Variants in NEB observed in about 807,000 individuals in gnomAD.
The protein encoded by NEB is nemaline myopathy type 2.
In NEB, 512 loss-of-function variants were observed where a neutral mutation model predicts 952.2. That is an observed-to-expected ratio of 0.54 (90% CI 0.50 to 0.58). The LOEUF (loss-of-function observed/expected upper bound fraction) is 0.58, where lower values mean the gene tolerates loss of function less well. Ranked by LOEUF, NEB falls within the 20% of genes least tolerant of loss-of-function variation. The probability of loss-of-function intolerance (pLI) is 0.00; values close to 1 mark genes in which losing one functional copy is unlikely to be tolerated. For missense variants in NEB, 8,428 were observed against 9,231.1 expected, an observed-to-expected ratio of 0.91 and a Z score of 3.56; for synonymous variants, 2,900 against 3,149.8, an observed-to-expected ratio of 0.92 and a Z score of 2.66.
rs1050901614 is a variant in NEB at position 151,581,675 on chromosome 2, T to G, written c.16180-88A>C. ...AAATTATAAAGTCATAAAACATACT[T>G]GAATAAATGGATGATGAAAAAAATT... On this transcript the variant is annotated intron_variant, in intron 102 of 181. Transcript: ENST00000397345. 4.5e-5 allele frequency: 65 copies of G among 1,445,260 alleles called. No homozygotes were observed. In the Middle Eastern group the frequency reaches 7.4e-4, roughly 16 times the overall value. 89.5% of individuals were successfully genotyped at this position (1,445,260 alleles called of 1,614,324 possible).
intron 124 of NEB, among the ~76,000 whole-genome samples, chr2:151,555,706 A>G (rs1174694240): frequency 1.3e-5 from 2 of 152,196 alleles, no homozygotes; most frequent in Non-Finnish European, 2.9e-5. Context: ...CACCTCTGTA[A>G]CAAAAGAGAG....
intron 12 of NEB, among the ~76,000 whole-genome samples, chr2:151,709,099 AC>A (rs2099736049): frequency 6.6e-6 from 1 of 152,208 alleles, no homozygotes; most frequent in Non-Finnish European, 1.5e-5. Flanking sequence ...CAGGCCATTC[AC>A]CAAAGTCACT....
rs1168929193 is a variant in NEB at position 151,671,841 on chromosome 2, G to A, written c.4299+528C>T. 2.0e-5 allele frequency among the ~76,000 whole-genome samples: 3 copies of A among 152,156 alleles called. No individual in the cohort carries two copies. In the East Asian group the frequency reaches 5.8e-4, roughly 29 times the overall value. On this transcript the variant is annotated intron_variant, in intron 37 of 181. Coordinates refer to ENST00000397345, the MANE Select transcript of NEB (RefSeq NM_001164508.2). ...CAATTCTAACAGAAATCTGGCTCCT[G>A]CAGCAGGAGAGGCTCTGAATGTTAA...
At chr2:151,666,007 C>T (rs1185490799) in intron 41 of NEB, 83 bp downstream of exon 41, 5 of 1,363,352 alleles carry the variant, frequency 3.7e-6, no homozygotes, top group Middle Eastern at 2.6e-4. Flanking sequence ...GTGAGTGCAG[C>T]CAGGTGTGGG....
At chr2:151,536,010 G>A (rs1275707623) in intron 141 of NEB, among the ~76,000 whole-genome samples, 14 of 152,104 alleles carry the variant, frequency 9.2e-5, no homozygotes, top group Admixed American at 3.3e-4. Context: ...AGGCTCCATC[G>A]ATCTTCCCAC....
At chr2:151,575,912 G>A (rs2096811765) in intron 106 of NEB, 113 bp from the exon 107 acceptor site, 2 of 833,676 alleles carry the variant, frequency 2.4e-6, no homozygotes, top group Admixed American at 4.3e-5. Flanking sequence ...TTCATGTTAG[G>A]GCAAAGATTT....
chr2:151,503,061 T>A (rs545974205), intron 166 of NEB, 176 bp from the exon 167 acceptor site: 38 of 585,976 alleles, frequency 6.5e-5, no homozygotes, highest in African/African-American at 6.4e-4. Context: ...ACAATGCTAA[T>A]TCTGGAAATG....
chr2:151,724,492 T>A, intron 7 of NEB, 128 bp from the exon 8 acceptor site: 1 of 702,452 alleles, frequency 1.4e-6, no homozygotes, highest in Non-Finnish European at 2.6e-6. Flanking sequence ...AGGAAAACAT[T>A]GACCATGCCA....
intron 161 of NEB, among the ~76,000 whole-genome samples, chr2:151,512,368 C>A (rs145672571): frequency 2.6e-5 from 4 of 151,120 alleles, no homozygotes; most frequent in African/African-American, 9.8e-5. Context: ...CACCCTGTCA[C>A]CCAGGGGACT....
chr2:151,555,213 A>G (rs921412227), intron 124 of NEB, among the ~76,000 whole-genome samples, 169 bp from the exon 125 acceptor site: 1 of 152,202 alleles, frequency 6.6e-6, no homozygotes, highest in Non-Finnish European at 1.5e-5. Context: ...ATACAGCAGT[A>G]GCGCCTGCCA....
chr2:151,514,753 T>G (rs931492037), intron 158 of NEB, 65 bp downstream of exon 158: 2 of 1,158,550 alleles, frequency 1.7e-6, no homozygotes, highest in Admixed American at 4.4e-5. Flanking sequence ...GAGGAACACA[T>G]TAATGAGTGT....
chr2:151,495,925 G>T (rs1178788076), intron 173 of NEB, among the ~76,000 whole-genome samples: 1 of 152,076 alleles, frequency 6.6e-6, no homozygotes, highest in Non-Finnish European at 1.5e-5. Flanking sequence ...AGAAAGAGCC[G>T]CATTGGACCT....
At chr2:151,493,890 C>G (rs778829512) in intron 174 of NEB, 23 bp from the exon 175 acceptor site, 9 of 1,435,674 alleles carry the variant, frequency 6.3e-6, no homozygotes, top group South Asian at 5.3e-5. Context: ...AAGTCATGCC[C>G]GAAAGTCACT....
At position 151,568,578 on chromosome 2, in the gene NEB, T is replaced by C. The variant is rs140550265; in HGVS notation, c.17634+40A>G. ...AGATGGAAAAGCTTTGGAAGTGATA[T>C]CTGCATCACTGTGAGATTTTAAAAC... On this transcript the variant is annotated intron_variant, in intron 111 of 181. Transcript: ENST00000397345. 3.3e-6 allele frequency: 5 copies of C among 1,499,988 alleles called. No homozygotes were observed. In the Admixed American group the frequency reaches 5.5e-5, roughly 16 times the overall value. The allele number at this position is 1,499,988 out of a possible 1,614,324, so 92.9% of individuals were successfully genotyped here. A position where few individuals can be genotyped will look rare whatever the true frequency, so the allele number is the denominator to read the frequency against.
intron 110 of NEB, 144 bp downstream of exon 110, chr2:151,569,124 A>G (rs562397367): frequency 1.4e-6 from 1 of 695,854 alleles, no homozygotes; most frequent in East Asian, 2.7e-5. Flanking sequence ...GCGACAGTAC[A>G]TTTTGAAAAA....
At position 151,616,001 on chromosome 2, in the gene NEB, CA is replaced by C. The variant is rs771046654; in HGVS notation, c.11289del (p.Tyr3764ThrfsTer26). The C allele has an allele frequency of 3.1e-6, 5 of 1,605,680 alleles. No individual in the cohort carries two copies. The South Asian group carries it at 5.6e-5, about 18-fold the overall frequency. On this transcript the variant is annotated frameshift_variant and splice_region_variant, in exon 76 of 182. Transcript: ENST00000397345. LOFTEE classifies it high-confidence loss of function. ...AAKASRDIAS[D>X]YKYKEGYRKQ... ...ATGGCTTTTCCAAAACATCCACTTA[CA>C]TCACTAGCAATATCTCTTGAAGCCT...
At chr2:151,505,840 A>G (rs1391007566) in intron 164 of NEB, 21 of 538,492 alleles carry the variant, frequency 3.9e-5, no homozygotes, top group African/African-American at 5.7e-5. Context: ...GTATACTCCA[A>G]TGTCTTTATG....
intron 10 of NEB, among the ~76,000 whole-genome samples, chr2:151,714,025 A>G (rs55680824): frequency 0.01 from 1,528 of 152,274 alleles, 11 homozygotes; most frequent in Non-Finnish European, 0.017. Context: ...AGGCCCTTAG[A>G]GATTAATGGA....
intron 46 of NEB, among the ~76,000 whole-genome samples, chr2:151,659,388 C>G (rs553472039): frequency 6.6e-6 from 1 of 152,238 alleles, no homozygotes; most frequent in African/African-American, 2.4e-5. Context: ...CCTCCACCTC[C>G]CAGGCTCAAA....
Sources: allele counts gnomAD v4.1 joint callset (sites outside exome capture counted in the v4.1 genomes callset), GRCh38; gene constraint gnomAD v4.1.1; transcripts MANE v1.5; gene names NCBI Gene and HGNC (gene_info 2026-07-23, HGNC 2026-07-21).